Variants in CTDSP2 observed in about 807,000 individuals in gnomAD.
CTDSP2 encodes the protein carboxy-terminal domain RNA polymerase II polypeptide A small phosphatase 2.
Under a neutral mutation model 31.6 loss-of-function variants are expected in CTDSP2, and 9 were observed. The observed-to-expected ratio is 0.28, with a 90% CI of 0.17 to 0.50. CTDSP2 has a LOEUF of 0.50. CTDSP2 is among the 20% of genes least tolerant of loss of function. The pLI is 0.98. For synonymous variants in CTDSP2, 134 were observed against 134.5 expected (o/e 1.00, Z 0.03); for missense variants, 267 against 348.5 (o/e 0.77, Z 1.86).
rs536214933 is a variant in CTDSP2, at chr12:57,820,965, A to G, written c.*2637T>C. On this transcript the variant is annotated 3_prime_UTR_variant, in exon 8 of 8. Coordinates refer to ENST00000398073, the MANE Select transcript of CTDSP2 (RefSeq NM_005730.4). Reference sequence around the variant, plus strand: ...TGGTGCTGACCAGGCATGGTGGCCTATTGCCTCCCAAAGACCAGTCTCAAG... The same window carrying G: ...TGGTGCTGACCAGGCATGGTGGCCTGTTGCCTCCCAAAGACCAGTCTCAAG... The G allele has an allele frequency of 1.3e-5, 2 of 152,176 alleles. No individual in the cohort carries two copies. The highest frequency in any genetic ancestry group is 2.4e-5 in the African/African-American group (1 of 41,432). The allele number at this position is 152,176 out of a possible 1,614,324, so 9.4% of individuals were successfully genotyped here.
At position 57,846,715 on chromosome 12, in the gene CTDSP2, G is replaced by C. The variant is rs1012735542; in HGVS notation, c.-280C>G. On this transcript the variant is annotated 5_prime_UTR_variant, in exon 1 of 8. Coordinates refer to ENST00000398073, the MANE Select transcript of CTDSP2 (RefSeq NM_005730.4). ...GTTTGGGTCCAACATGGAGAATCCG[G>C]AGCGAAAACAAGAGGAGGAAATGGG... The C allele has an allele frequency of 2.9e-6, 1 of 349,808 alleles. No homozygotes were observed. The highest frequency in any genetic ancestry group is 4.8e-5 in the East Asian group (1 of 20,936). The allele number at this position is 349,808 out of a possible 1,614,324, so 21.7% of individuals were successfully genotyped here. A position where few individuals can be genotyped will look rare whatever the true frequency, so the allele number is the denominator to read the frequency against.
intron 1 of CTDSP2, among the ~76,000 whole-genome samples, chr12:57,838,435 C>T (rs1490417835): frequency 1.3e-5 from 2 of 152,204 alleles, no homozygotes; most frequent in African/African-American, 2.4e-5. Context: ...CTCCTTCCCC[C>T]TAAGGAGGTG....
chr12:57,835,186 G>A (rs1956240014), intron 1 of CTDSP2, among the ~76,000 whole-genome samples: 1 of 151,304 alleles, frequency 6.6e-6, no homozygotes, highest in Admixed American at 6.6e-5. Flanking sequence ...AAATTAGCCA[G>A]GCGTGGTGGT....
At chr12:57,834,982 T>C (rs1025236597) in intron 1 of CTDSP2, among the ~76,000 whole-genome samples, 2 of 151,738 alleles carry the variant, frequency 1.3e-5, no homozygotes, top group Admixed American at 6.6e-5. Flanking sequence ...ATTAGCCAGG[T>C]ATGGTGGCAC....
At chr12:57,830,774 G>C (rs1430780880) in intron 1 of CTDSP2, among the ~76,000 whole-genome samples, 1 of 152,032 alleles carries the variant, frequency 6.6e-6, no homozygotes, top group African/African-American at 2.4e-5. Flanking sequence ...TTGAGATGGA[G>C]TTTTGCTCTT....
At chr12:57,846,231 G>A in intron 1 of CTDSP2, 141 bp downstream of exon 1, 1 of 696,660 alleles carries the variant, frequency 1.4e-6, no homozygotes, top group South Asian at 2.1e-5. Flanking sequence ...CGGGATGCGG[G>A]GGCGGATGGA....
At chr12:57,826,536 T>C (rs1956184187) in intron 4 of CTDSP2, 134 bp from the exon 5 acceptor site, 2 of 754,292 alleles carry the variant, frequency 2.7e-6, no homozygotes, top group African/African-American at 1.7e-5. Context: ...CATTAAGGGG[T>C]TCTCACCCTA....
At chr12:57,827,220 A>G in intron 3 of CTDSP2, 123 bp from the exon 4 acceptor site, 1 of 699,334 alleles carries the variant, frequency 1.4e-6, no homozygotes. Flanking sequence ...GATAGGCACC[A>G]CTTAAAGGCC....
chr12:57,824,721 G>T (rs532488808), intron 5 of CTDSP2: 1 of 532,356 alleles, frequency 1.9e-6, no homozygotes, highest in Non-Finnish European at 3.8e-6. Flanking sequence ...CCTTGGCTCC[G>T]ACAGGACAGT....
intron 1 of CTDSP2, among the ~76,000 whole-genome samples, chr12:57,841,761 T>C (rs77901377): frequency 0.011 from 1,665 of 152,342 alleles, 37 homozygotes; most frequent in African/African-American, 0.038. Flanking sequence ...CTGTTTACAC[T>C]GTGTCCTTGG....
chr12:57,826,332 G>T lies in CTDSP2; in HGVS notation c.411+14C>A. ...CCACCCTCTGGGCTGGGTGTGGTCT[G>T]GCTGGCAGCTCACCTGGTGAGTGGT... is the stretch of plus-strand genomic sequence containing the variant. On this transcript the variant is annotated intron_variant, in intron 5 of 7. Transcript: ENST00000398073. 6.2e-7 allele frequency: 1 copy of T among 1,613,648 alleles called. No individual in the cohort carries two copies. Among genetic ancestry groups the T allele is most frequent in the Non-Finnish European group, 8.5e-7 (1 of 1,179,752 alleles).
At chr12:57,832,127 A>G (rs1956219216) in intron 1 of CTDSP2, among the ~76,000 whole-genome samples, 1 of 152,214 alleles carries the variant, frequency 6.6e-6, no homozygotes, top group Non-Finnish European at 1.5e-5. Context: ...TGGCTGGTCC[A>G]GAGCTTGCGC....
At position 57,823,556 on chromosome 12, in the gene CTDSP2, G is replaced by A; in HGVS notation, c.*46C>T. ...CACGCTGATCGTAAAGGCACAGTGT[G>A]GGAAAGTCCCCTACTGGGATGGCCG... On this transcript the variant is annotated 3_prime_UTR_variant, in exon 8 of 8. Transcript: ENST00000398073. 6.2e-7 allele frequency: 1 copy of A among 1,607,198 alleles called. No homozygotes were observed. Among genetic ancestry groups the A allele is most frequent in the South Asian group, 1.1e-5 (1 of 90,448 alleles).
At position 57,821,023 on chromosome 12, in the gene CTDSP2, A is replaced by G. The variant is rs982162574; in HGVS notation, c.*2579T>C. The G allele has an allele frequency of 4.6e-5, 7 of 152,188 alleles. No homozygotes were observed. Among genetic ancestry groups the G allele is most frequent in the African/African-American group, 1.4e-4 (6 of 41,424 alleles). 9.4% of individuals were successfully genotyped at this position (152,188 alleles called of 1,614,324 possible). ...GGCTGATGGTGGGAAGCCCTAGAAGAGAGTCTGGGATGAAGCGGCCTCCTC... is the reference window on the plus strand; with the variant it reads ...GGCTGATGGTGGGAAGCCCTAGAAGGGAGTCTGGGATGAAGCGGCCTCCTC... On this transcript the variant is annotated 3_prime_UTR_variant, in exon 8 of 8. Coordinates refer to ENST00000398073, the MANE Select transcript of CTDSP2 (RefSeq NM_005730.4).
chr12:57,826,980 C>T lies in CTDSP2; in HGVS notation c.354+16G>A. 1 of 1,583,392 alleles carries T rather than the reference C, an allele frequency of 6.3e-7. No homozygotes were observed. The highest frequency in any genetic ancestry group is 8.7e-7 in the Non-Finnish European group (1 of 1,153,974). ...GCCCAAGATAAAGGTAGGAAGGGTT[C>T]CAGACATTGAGTTACCTTAAAGGAG... On this transcript the variant is annotated intron_variant, in intron 4 of 7. Coordinates refer to ENST00000398073, the MANE Select transcript of CTDSP2 (RefSeq NM_005730.4).
chr12:57,838,893 G>C (rs1359293740), intron 1 of CTDSP2, among the ~76,000 whole-genome samples: 1 of 152,212 alleles, frequency 6.6e-6, no homozygotes, highest in Non-Finnish European at 1.5e-5. Flanking sequence ...TAAGTGCAAA[G>C]TACTTTCATA....
At chr12:57,837,382 G>A (rs1956254635) in intron 1 of CTDSP2, among the ~76,000 whole-genome samples, 1 of 152,194 alleles carries the variant, frequency 6.6e-6, no homozygotes, top group Non-Finnish European at 1.5e-5. Flanking sequence ...GGCTCCCGAA[G>A]TTCCAAAAAG....
At chr12:57,824,443 A>G in intron 5 of CTDSP2, 124 bp from the exon 6 acceptor site, 2 of 766,318 alleles carry the variant, frequency 2.6e-6, no homozygotes, top group Non-Finnish European at 4.5e-6. Context: ...CTCCTGGGCT[A>G]CCTGGCTGGA....
intron 2 of CTDSP2, 55 bp from the exon 3 acceptor site, chr12:57,827,645 C>G (rs1956191422): frequency 6.5e-7 from 1 of 1,549,072 alleles, no homozygotes. Flanking sequence ...CCACCCCATC[C>G]AAACCCACTG....
Sources: allele counts gnomAD v4.1 joint callset (sites outside exome capture counted in the v4.1 genomes callset), GRCh38; gene constraint gnomAD v4.1.1; transcripts MANE v1.5; gene names NCBI Gene and HGNC (gene_info 2026-07-23, HGNC 2026-07-21).